Variants in TAF1 observed in about 807,000 individuals in gnomAD.
TAF1 encodes TATA-box binding protein associated factor 1.
Under a neutral mutation model 138.5 loss-of-function variants are expected in TAF1, and 2 were observed. The ratio of observed to expected loss-of-function variants is 0.01; its 90% confidence interval spans 0.01 to 0.05. TAF1 has a LOEUF of 0.05. TAF1 is among the 10% of genes least tolerant of loss of function. The pLI is 1.00. For synonymous variants in TAF1, 437 were observed against 503.2 expected (o/e 0.87, Z 1.76); for missense variants, 709 against 1,478.0 (o/e 0.48, Z 8.53).
At chrX:71,372,805 A>T (rs1049158633) in intron 3 of TAF1, among the ~76,000 whole-genome samples, 1 of 112,122 alleles carries the variant, frequency 8.9e-6, no homozygotes, top group Non-Finnish European at 1.9e-5. Context: ...GATTATACAT[A>T]AAACAGCTAG....
chrX:71,496,326 C>T (rs191333230), intron 13 of TAF1, among the ~76,000 whole-genome samples: 31 of 112,154 alleles, frequency 2.8e-4, no homozygotes, highest in African/African-American at 9.4e-4. Flanking sequence ...TCAGTGCTTT[C>T]GGGCTACACT....
chrX:71,400,753 T>C (rs2035135000), intron 24 of TAF1, among the ~76,000 whole-genome samples: 1 of 112,625 alleles, frequency 8.9e-6, no homozygotes, highest in Admixed American at 9.5e-5. Flanking sequence ...GGAAGCACTT[T>C]ATAAACTATA....
chrX:71,456,168 T>C (rs1374753749), intron 34 of TAF1, among the ~76,000 whole-genome samples: 2 of 111,631 alleles, frequency 1.8e-5, no homozygotes, highest in African/African-American at 3.3e-5. Flanking sequence ...AGTCTAGCCA[T>C]TGAATGGCAC....
In TAF1 at chrX:71,407,639, G is replaced by A. The variant is rs1184578364; in HGVS notation, c.4173G>A (p.Glu1391=). The A allele has an allele frequency of 8.3e-7, 1 of 1,211,680 alleles. No homozygotes were observed. Among genetic ancestry groups the A allele is most frequent in the Admixed American group, 2.2e-5 (1 of 45,976 alleles). ...DPMVTLSSIL[E]SIINDMRDLP... Reference sequence around the variant, plus strand: ...TGGTGACGCTGTCGTCCATCTTGGAGTCTATCATCAATGACATGAGAGATC... The same window carrying A: ...TGGTGACGCTGTCGTCCATCTTGGAATCTATCATCAATGACATGAGAGATC... The change falls in exon 27 of 38, where the codon GAG becomes GAA. Residue 1391 remains glutamate, a synonymous_variant. Coordinates refer to ENST00000423759, the MANE Select transcript of TAF1 (RefSeq NM_004606.5).
chrX:71,389,482 G>A, intron 17 of TAF1, 103 bp from the exon 18 acceptor site: 1 of 627,484 alleles, frequency 1.6e-6, no homozygotes, highest in Non-Finnish European at 2.5e-6. Context: ...ATCCATCTAT[G>A]CAAAATAGAC....
At chrX:71,373,978 G>A (rs1445783661) in intron 3 of TAF1, among the ~76,000 whole-genome samples, 1 of 111,536 alleles carries the variant, frequency 9.0e-6, no homozygotes, top group Non-Finnish European at 1.9e-5. Flanking sequence ...GAGCCACTGT[G>A]CCTGGCCCAG....
intron 32 of TAF1, among the ~76,000 whole-genome samples, chrX:71,443,780 C>G (rs2037545385): frequency 8.9e-6 from 1 of 111,856 alleles, no homozygotes; most frequent in African/African-American, 3.3e-5. Context: ...GCGATCTCAG[C>G]TCACTGCAGT....
chrX:71,489,458 C>G (rs1210104133), intron 13 of TAF1, among the ~76,000 whole-genome samples: 1 of 111,102 alleles, frequency 9.0e-6, no homozygotes, highest in Non-Finnish European at 1.9e-5. Flanking sequence ...AGGCGGATCA[C>G]CCGAGACTGA....
At chrX:71,467,657 T>G (rs185626186), downstream of TAF1, among the ~76,000 whole-genome samples, 1 of 111,902 alleles carries the variant, frequency 8.9e-6, no homozygotes, top group Admixed American at 9.6e-5. Flanking sequence ...TTCACATGTT[T>G]CAATCTAGTT....
intron 18 of TAF1, among the ~76,000 whole-genome samples, chrX:71,391,153 T>C (rs765370148): frequency 8.9e-6 from 1 of 111,864 alleles, no homozygotes; most frequent in East Asian, 2.8e-4. Flanking sequence ...CCCGTGGCAC[T>C]GATCACATAG....
At position 71,429,068 on chromosome X, in the gene TAF1, G is replaced by T. The variant is rs536030849; in HGVS notation, c.4753+4830G>T. On this transcript the variant is annotated intron_variant, in intron 32 of 37. Transcript: ENST00000423759. The stretch of plus-strand genomic sequence containing the variant: ...AGGTGGGCGGATCACAAGGTCAGGA[G>T]ATCGAAACCATTCTGGCTGACACAG... Among the ~76,000 whole-genome samples the T allele has an allele frequency of 2.1e-4, 23 of 111,288 alleles. No homozygotes were observed. In the South Asian group the frequency reaches 8.6e-3, roughly 42 times the overall value.
chrX:71,412,951 C>G (rs781477089), intron 28 of TAF1, among the ~76,000 whole-genome samples: 64 of 111,303 alleles, frequency 5.8e-4, no homozygotes, highest in African/African-American at 2.0e-3. Flanking sequence ...GTTTTTATTT[C>G]TCTTGGGTAT....
rs753975182 is a variant in TAF1, at chrX:71,388,314, T to C, written c.2505T>C (p.Phe835=). 3.3e-6 allele frequency: 4 copies of C among 1,211,890 alleles called. No homozygotes were observed. The highest frequency in any genetic ancestry group is 4.5e-6 in the Non-Finnish European group (4 of 895,589). The stretch of plus-strand genomic sequence containing the variant: ...GAATGGAAGATATAAAAAAAGCCTT[T>C]CCTTCCCATTCAGAAAGCAGCATCC... ...RIRMEDIKKA[F]PSHSESSIRK... is the part of the protein sequence containing the mutation. Residue 835 remains phenylalanine, a synonymous_variant, in exon 16 of 38, where the codon TTT becomes TTC. Transcript: ENST00000423759.
chrX:71,468,290 A>G (rs910133869), downstream of TAF1, among the ~76,000 whole-genome samples: 17 of 110,005 alleles, frequency 1.5e-4, 1 homozygote, highest in Admixed American at 3.0e-4. Flanking sequence ...CCTTGCATCT[A>G]GTAATGTCAT....
At chrX:71,525,658 A>AT (rs1164318296) in intron 13 of TAF1, among the ~76,000 whole-genome samples, 66 of 103,587 alleles carry the variant, frequency 6.4e-4, no homozygotes, top group Non-Finnish European at 8.4e-4. Flanking sequence ...ACAAAAAACT[A>AT]TTTTTTTTTT....
exon 15 of TAF1, chrX:71,529,806 C>T (rs1024037772): frequency 3.1e-6 from 1 of 323,945 alleles, no homozygotes; most frequent in East Asian, 9.9e-5. Context: ...CGTTTTGATA[C>T]GTGTCTCCTT....
chrX:71,506,775 G>C (rs776057479), intron 13 of TAF1, among the ~76,000 whole-genome samples: 2 of 110,804 alleles, frequency 1.8e-5, no homozygotes, highest in African/African-American at 6.6e-5. Flanking sequence ...TTGAAAACAA[G>C]TATTCAAATC....
intron 13 of TAF1, among the ~76,000 whole-genome samples, chrX:71,493,467 G>T (rs1048809931): frequency 8.9e-6 from 1 of 112,689 alleles, no homozygotes; most frequent in Non-Finnish European, 1.9e-5. Context: ...CTGTCAAATA[G>T]CTCTGCATTC....
At chrX:71,430,409 A>G (rs1469106913) in intron 32 of TAF1, among the ~76,000 whole-genome samples, 1 of 109,099 alleles carries the variant, frequency 9.2e-6, no homozygotes, top group Non-Finnish European at 1.9e-5. Context: ...AAAAAAAGGC[A>G]CATCTATATG....
Sources: gnomAD v4.1 joint callset for allele counts (sites outside exome capture counted in the v4.1 genomes callset) on GRCh38, gnomAD v4.1.1 for gene constraint, MANE v1.5 for transcripts, NCBI Gene and HGNC (gene_info 2026-07-23, HGNC 2026-07-21) for gene names.